Variants in NELL2 observed in about 807,000 individuals in gnomAD.
NELL2 encodes the protein protein kinase C-binding protein NELL2.
NELL2 carries 41 observed loss-of-function variants against 109.6 expected under a neutral mutation model. The ratio of observed to expected loss-of-function variants is 0.37; its 90% CI spans 0.29 to 0.49. NELL2 has a LOEUF of 0.49. Ranked by LOEUF, NELL2 falls within the 20% of genes least tolerant of loss-of-function variation. The pLI, the probability that NELL2 is intolerant of heterozygous loss-of-function variation, is 0.98. For missense variants in NELL2, 900 were observed against 1,008.3 expected, an observed-to-expected ratio of 0.89 and a Z score of 1.45; for synonymous variants, 355 against 344.7, an observed-to-expected ratio of 1.03 and a Z score of -0.33.
chr12:44,796,185 A>T (rs1290424791), intron 3 of NELL2, among the ~76,000 whole-genome samples: 1 of 152,152 alleles, frequency 6.6e-6, no homozygotes, highest in Admixed American at 6.5e-5. Context: ...AGTAAAGAGT[A>T]AGCACTCCAT....
intron 12 of NELL2, among the ~76,000 whole-genome samples, chr12:44,699,687 T>C (rs948380361): frequency 3.3e-5 from 5 of 152,164 alleles, no homozygotes; most frequent in Non-Finnish European, 7.4e-5. Context: ...AAAATCACTA[T>C]TGCTGTCCTC....
At chr12:44,661,314 C>T (rs954388736) in intron 13 of NELL2, among the ~76,000 whole-genome samples, 1 of 152,192 alleles carries the variant, frequency 6.6e-6, no homozygotes, top group African/African-American at 2.4e-5. Context: ...TCCTTTGGGT[C>T]ACCCATCTGG....
intron 2 of NELL2, among the ~76,000 whole-genome samples, chr12:44,828,828 G>A (rs372494759): frequency 1.3e-5 from 2 of 152,018 alleles, no homozygotes; most frequent in African/African-American, 2.4e-5. Context: ...TATTTCATTT[G>A]TTTTCATTCC....
At chr12:44,533,225 A>T (rs1187646893) in intron 15 of NELL2, among the ~76,000 whole-genome samples, 1 of 152,164 alleles carries the variant, frequency 6.6e-6, no homozygotes, top group Non-Finnish European at 1.5e-5. Flanking sequence ...GAGTTCCTGT[A>T]GGAGACAACC....
At chr12:44,548,604 C>A (rs1180819840) in intron 15 of NELL2, among the ~76,000 whole-genome samples, 1 of 151,588 alleles carries the variant, frequency 6.6e-6, no homozygotes, top group African/African-American at 2.4e-5. Flanking sequence ...GGAGAGAGGC[C>A]TGAAAGCTAA....
intron 3 of NELL2, among the ~76,000 whole-genome samples, chr12:44,796,854 T>C (rs895881527): frequency 6.6e-6 from 1 of 152,068 alleles, no homozygotes; most frequent in African/African-American, 2.4e-5. Flanking sequence ...TTACCCTACA[T>C]AACTGAGCTT....
chr12:44,894,522 C>T (rs751291381), intron 1 of NELL2, among the ~76,000 whole-genome samples: 6 of 152,096 alleles, frequency 3.9e-5, no homozygotes, highest in Non-Finnish European at 8.8e-5. Context: ...GTCATGATTA[C>T]GTTTATATTA....
intron 15 of NELL2, among the ~76,000 whole-genome samples, chr12:44,588,591 T>G (rs934918813): frequency 1.3e-5 from 2 of 152,220 alleles, no homozygotes; most frequent in African/African-American, 2.4e-5. Context: ...GTATGTTTCC[T>G]GGCATTAGGC....
At chr12:44,827,418 T>G (rs969454329) in intron 2 of NELL2, among the ~76,000 whole-genome samples, 1 of 151,042 alleles carries the variant, frequency 6.6e-6, no homozygotes, top group African/African-American at 2.4e-5. Context: ...ACTGTTTTTT[T>G]TTTTTTTTTT....
intron 5 of NELL2, among the ~76,000 whole-genome samples, chr12:44,778,393 T>C (rs777108931): frequency 2.0e-5 from 3 of 152,126 alleles, no homozygotes; most frequent in Non-Finnish European, 2.9e-5. Context: ...CCAACTCCTA[T>C]CACTTAGAAG....
intron 2 of NELL2, among the ~76,000 whole-genome samples, chr12:44,841,583 A>G (rs1944226956): frequency 6.6e-6 from 1 of 152,244 alleles, no homozygotes; most frequent in Non-Finnish European, 1.5e-5. Context: ...ACAGAGAAGC[A>G]GAAGAAAAAT....
Position 44,808,660 on chromosome 12 carries a change from T to C in NELL2, c.335+7326A>G, listed in dbSNP as rs528472359. Among the ~76,000 whole-genome samples, 29 of 152,154 alleles carry C rather than the reference T, an allele frequency of 1.9e-4. 1 individual carries two copies. The South Asian group carries it at 6.0e-3, about 32-fold the overall frequency. ...GCTTTTATGTCAGTCTATTAATTTCTTCCATAATAAACAAAGTCATTTTTT... is the reference window on the plus strand; with the variant it reads ...GCTTTTATGTCAGTCTATTAATTTCCTCCATAATAAACAAAGTCATTTTTT... On this transcript the variant is annotated intron_variant, in intron 3 of 19. Coordinates refer to ENST00000429094, the MANE Select transcript of NELL2 (RefSeq NM_001145108.2).
chr12:44,845,539 A>G (rs1944345117), intron 2 of NELL2, among the ~76,000 whole-genome samples: 1 of 152,220 alleles, frequency 6.6e-6, no homozygotes, highest in African/African-American at 2.4e-5. Flanking sequence ...TGGCTACCAT[A>G]TTGGACTGGA....
chr12:44,636,080 CTGTT>C (rs1422293445), intron 13 of NELL2, among the ~76,000 whole-genome samples: 1 of 152,198 alleles, frequency 6.6e-6, no homozygotes, highest in Admixed American at 6.5e-5. Context: ...ATTTGACTCT[CTGTT>C]TGTCTATTAT....
intron 2 of NELL2, among the ~76,000 whole-genome samples, chr12:44,826,059 G>A (rs970835538): frequency 6.6e-6 from 1 of 151,866 alleles, no homozygotes; most frequent in Admixed American, 6.6e-5. Context: ...ATAAAAGAAA[G>A]AAAAAGAAAA....
intron 2 of NELL2, among the ~76,000 whole-genome samples, chr12:44,824,719 T>C (rs1943653064): frequency 6.7e-6 from 1 of 148,166 alleles, no homozygotes; most frequent in Non-Finnish European, 1.5e-5. Context: ...TTTACTTTTT[T>C]TTTTTTTTTG....
intron 2 of NELL2, among the ~76,000 whole-genome samples, chr12:44,840,934 G>T (rs565971218): frequency 6.6e-6 from 1 of 152,078 alleles, no homozygotes; most frequent in Admixed American, 6.6e-5. Context: ...AATTTGAGGC[G>T]ATAACAAGTA....
At chr12:44,827,136 C>A (rs549307731) in intron 2 of NELL2, among the ~76,000 whole-genome samples, 1 of 152,002 alleles carries the variant, frequency 6.6e-6, no homozygotes, top group South Asian at 2.1e-4. Flanking sequence ...CACAAACCCA[C>A]AATTTTGTAA....
chr12:44,878,584 A>G (rs1246791441), upstream of NELL2, among the ~76,000 whole-genome samples: 3 of 152,054 alleles, frequency 2.0e-5, no homozygotes, highest in East Asian at 3.9e-4. Context: ...CATTTTATCT[A>G]TGTGTTCTTT....
Sources: gnomAD v4.1 joint callset for allele counts (sites outside exome capture counted in the v4.1 genomes callset) on GRCh38, gnomAD v4.1.1 for gene constraint, MANE v1.5 for transcripts, NCBI Gene and HGNC (gene_info 2026-07-23, HGNC 2026-07-21) for gene names.